Variants in GALNT17 observed in about 807,000 individuals in gnomAD.
The protein encoded by GALNT17 is UDP-GalNAc:polypeptide N-acetylgalactosaminyltransferase-like 3.
A neutral mutation model predicts 63.7 loss-of-function variants in GALNT17; 29 were observed. The observed-to-expected ratio is 0.46, with a 90% confidence interval of 0.34 to 0.62. The LOEUF (loss-of-function observed/expected upper bound fraction) is 0.62. GALNT17 is among the 20% of genes least tolerant of loss of function. The pLI, the probability that GALNT17 is intolerant of heterozygous loss-of-function variation, is 0.01. For missense variants in GALNT17, 603 were observed against 799.6 expected (o/e 0.75, Z 2.97); for synonymous variants, 305 against 318.3 (o/e 0.96, Z 0.45).
At chr7:71,371,411 A>G (rs1187285676) in intron 2 of GALNT17, among the ~76,000 whole-genome samples, 1 of 151,920 alleles carries the variant, frequency 6.6e-6, no homozygotes, top group African/African-American at 2.4e-5. Context: ...ATGAAGTTCT[A>G]CCTGTTTTTA....
intron 5 of GALNT17, among the ~76,000 whole-genome samples, chr7:71,441,623 C>T: frequency 6.6e-6 from 1 of 152,120 alleles, no homozygotes; most frequent in South Asian, 2.1e-4. Context: ...TGTCCTAATG[C>T]TCTCCCTCCC....
chr7:71,344,205 A>C (rs1440389853), intron 2 of GALNT17, among the ~76,000 whole-genome samples: 1 of 152,026 alleles, frequency 6.6e-6, no homozygotes, highest in African/African-American at 2.4e-5. Flanking sequence ...TCTAAAGGGG[A>C]GGCAGGGCAT....
chr7:71,345,690 G>A (rs1341057603), intron 2 of GALNT17, among the ~76,000 whole-genome samples: 1 of 152,142 alleles, frequency 6.6e-6, no homozygotes, highest in Non-Finnish European at 1.5e-5. Context: ...GTGTATGTGA[G>A]TCCTGGTCTT....
At chr7:71,566,906 A>G (rs1284899245) in intron 5 of GALNT17, among the ~76,000 whole-genome samples, 1 of 152,076 alleles carries the variant, frequency 6.6e-6, no homozygotes, top group Non-Finnish European at 1.5e-5. Context: ...TGTAGTCTCC[A>G]TTGTACATCT....
At chr7:71,152,477 G>A (rs1788153116) in intron 1 of GALNT17, among the ~76,000 whole-genome samples, 1 of 152,112 alleles carries the variant, frequency 6.6e-6, no homozygotes, top group Admixed American at 6.6e-5. Flanking sequence ...ACTGCAGTTA[G>A]TCACTGATCT....
At chr7:71,702,126 CAGAGTAG>C (rs1791660342) in intron 9 of GALNT17, among the ~76,000 whole-genome samples, 1 of 151,422 alleles carries the variant, frequency 6.6e-6, no homozygotes, top group African/African-American at 2.4e-5. Flanking sequence ...TGTGGACTAC[CAGAGTAG>C]AGAGAGAGGG....
At chr7:71,616,851 CATATT>C (rs1352046083) in intron 6 of GALNT17, among the ~76,000 whole-genome samples, 2 of 8,000 alleles carry the variant, frequency 2.5e-4, no homozygotes, top group African/African-American at 2.6e-4. Flanking sequence ...TTATGTATTG[CATATT>C]ATATTATAAA....
chr7:71,480,309 G>C (rs1244732313), intron 5 of GALNT17, among the ~76,000 whole-genome samples: 1 of 151,532 alleles, frequency 6.6e-6, no homozygotes, highest in Non-Finnish European at 1.5e-5. Context: ...GTGATTATAG[G>C]TGTGCCCCAC....
chr7:71,243,153 T>C (rs11978503), intron 1 of GALNT17, among the ~76,000 whole-genome samples: 17,112 of 152,066 alleles, frequency 0.11, 1,749 homozygotes, highest in African/African-American at 0.28. Context: ...GATCTGATGG[T>C]TTTACAAGGC....
chr7:71,271,920 C>T (rs953189863), intron 1 of GALNT17, among the ~76,000 whole-genome samples: 1 of 152,132 alleles, frequency 6.6e-6, no homozygotes, highest in Admixed American at 6.5e-5. Context: ...CCACCATGCC[C>T]AGCTAATCTT....
chr7:71,556,755 A>G (rs1001522455), intron 5 of GALNT17, among the ~76,000 whole-genome samples: 2 of 151,924 alleles, frequency 1.3e-5, no homozygotes, highest in South Asian at 2.1e-4. Flanking sequence ...GTTTAGAGAC[A>G]GGGTTTCACC....
intron 1 of GALNT17, among the ~76,000 whole-genome samples, chr7:71,303,319 A>G (rs1236844269): frequency 6.6e-6 from 1 of 151,950 alleles, no homozygotes; most frequent in Admixed American, 6.6e-5. Flanking sequence ...ACACCCAGCT[A>G]ATTTATATTT....
chr7:71,611,440 GAT>G (rs1307410259), intron 6 of GALNT17, among the ~76,000 whole-genome samples: 1 of 152,110 alleles, frequency 6.6e-6, no homozygotes, highest in African/African-American at 2.4e-5. Context: ...TTGACCCTGT[GAT>G]ATCACAGAGA....
chr7:71,495,492 G>A (rs1456390343), intron 5 of GALNT17, among the ~76,000 whole-genome samples: 4 of 152,066 alleles, frequency 2.6e-5, no homozygotes, highest in Non-Finnish European at 4.4e-5. Context: ...CGGTGGGGAG[G>A]CATTATTATT....
At chr7:71,359,086 T>C (rs1237448095) in intron 2 of GALNT17, among the ~76,000 whole-genome samples, 2 of 152,244 alleles carry the variant, frequency 1.3e-5, no homozygotes, top group African/African-American at 4.8e-5. Context: ...TGCAATGATT[T>C]ACAAGATTTG....
intron 6 of GALNT17, among the ~76,000 whole-genome samples, chr7:71,580,385 AATTG>A (rs1789615327): frequency 8.5e-6 from 1 of 118,334 alleles, no homozygotes. Context: ...ATGATAGATA[AATTG>A]ATAGATGGAT....
At chr7:71,164,964 G>A (rs919800213) in intron 1 of GALNT17, among the ~76,000 whole-genome samples, 3 of 152,254 alleles carry the variant, frequency 2.0e-5, no homozygotes, top group Non-Finnish European at 4.4e-5. Context: ...TGCATAAGAA[G>A]CAAGGAGTCT....
chr7:71,456,597 G>A (rs532527884), intron 5 of GALNT17, among the ~76,000 whole-genome samples: 2 of 151,948 alleles, frequency 1.3e-5, no homozygotes, highest in Admixed American at 6.6e-5. Flanking sequence ...GGTGGCGGAC[G>A]CCTGTAATCC....
At chr7:71,168,674 A>G (rs1351486219) in intron 1 of GALNT17, among the ~76,000 whole-genome samples, 1 of 150,672 alleles carries the variant, frequency 6.6e-6, no homozygotes, top group African/African-American at 2.5e-5. Context: ...CAAGCAAATT[A>G]ACACATCCAT....
Sources: gnomAD v4.1 joint callset for allele counts (sites outside exome capture counted in the v4.1 genomes callset) on GRCh38, gnomAD v4.1.1 for gene constraint, MANE v1.5 for transcripts, NCBI Gene and HGNC (gene_info 2026-07-23, HGNC 2026-07-21) for gene names.